Variants in CHTF8 observed in about 807,000 individuals in gnomAD.
The protein encoded by CHTF8 is chromosome transmission fidelity factor 8.
CHTF8 carries 6 observed loss-of-function variants against 11.0 expected under a neutral mutation model. That is an observed-to-expected ratio of 0.55 (90% confidence interval 0.30 to 1.08). CHTF8 has a LOEUF of 1.08. Ranked by LOEUF, CHTF8 falls within the 50% of genes least tolerant of loss-of-function variation. The pLI is 0.07. For synonymous variants in CHTF8, 53 were observed against 60.5 expected, an observed-to-expected ratio of 0.88 and a Z score of 0.57; for missense variants, 140 against 153.1, an observed-to-expected ratio of 0.91 and a Z score of 0.45.
Position 69,119,995 on chromosome 16 carries a change from G to C in CHTF8, c.*430C>G, listed in dbSNP as rs953378157. ...TGGTCCTGGGAGACCCCCTAACCTG[G>C]GGTTAGACAGAGGCCCTGGGCCTGG... On this transcript the variant is annotated 3_prime_UTR_variant, in exon 4 of 4. Coordinates refer to ENST00000448552, the MANE Select transcript of CHTF8 (RefSeq NM_001039690.5). 8 of 695,204 alleles carry C rather than the reference G, an allele frequency of 1.2e-5. No homozygotes were observed. The Admixed American group carries it at 1.4e-4, about 12-fold the overall frequency. The allele number at this position is 695,204 out of a possible 1,614,324, so 43.1% of individuals were successfully genotyped here.
rs765022668 is a variant in CHTF8 at position 69,119,087 on chromosome 16, G to A, written c.*1338C>T. The A allele has an allele frequency of 4.3e-6, 3 of 703,068 alleles. No homozygotes were observed. Among genetic ancestry groups the A allele is most frequent in the South Asian group, 3.0e-5 (2 of 67,572 alleles). 43.6% of individuals were successfully genotyped at this position (703,068 alleles called of 1,614,324 possible). On this transcript the variant is annotated 3_prime_UTR_variant, in exon 4 of 4. Transcript: ENST00000448552. ...GGGCCAGCTGGAGAAGGGCCCAGAT[G>A]CCCGGCAGCTGGCCTGGGGAAAGTA...
chr16:69,123,204 G>A (rs766203220), intron 1 of CHTF8, among the ~76,000 whole-genome samples: 4 of 152,152 alleles, frequency 2.6e-5, no homozygotes, highest in East Asian at 1.9e-4. Flanking sequence ...TTACAGATGT[G>A]AGGCACTGTG....
chr16:69,118,126 C>A lies in CHTF8; in HGVS notation c.*2299G>T. The A allele has an allele frequency of 2.5e-6, 1 of 406,594 alleles. No homozygotes were observed. The highest frequency in any genetic ancestry group is 4.4e-6 in the Non-Finnish European group (1 of 225,568). The allele number at this position is 406,594 out of a possible 1,614,324, so 25.2% of individuals were successfully genotyped here. ...ACAGTGATTTCTTCCCTTCATCCCC[C>A]ACCCCCACCCTAATTCCCATATTCC... On this transcript the variant is annotated 3_prime_UTR_variant, in exon 4 of 4. Coordinates refer to ENST00000448552, the MANE Select transcript of CHTF8 (RefSeq NM_001039690.5).
Position 69,119,175 on chromosome 16 carries a change from G to A in CHTF8, c.*1250C>T. The A allele has an allele frequency of 1.4e-6, 1 of 703,042 alleles. No individual in the cohort carries two copies. Among genetic ancestry groups the A allele is most frequent in the East Asian group, 2.7e-5 (1 of 37,284 alleles). 43.6% of individuals were successfully genotyped at this position (703,042 alleles called of 1,614,324 possible). A position where few individuals can be genotyped will look rare whatever the true frequency, so the allele number is the denominator to read the frequency against. On this transcript the variant is annotated 3_prime_UTR_variant, in exon 4 of 4. Coordinates refer to ENST00000448552, the MANE Select transcript of CHTF8 (RefSeq NM_001039690.5). ...AGGTAGTTGGACTTGGACCCTGCAG[G>A]CCAGTGGCCCTTGGGAAGTTAGCTG...
In CHTF8 at chr16:69,118,169, A is replaced by AAT; in HGVS notation, c.*2255_*2256insAT. The AAT allele has an allele frequency of 3.4e-6, 2 of 581,064 alleles. No homozygotes were observed. The highest frequency in any genetic ancestry group is 6.1e-6 in the Non-Finnish European group (2 of 326,112). 36.0% of individuals were successfully genotyped at this position (581,064 alleles called of 1,614,324 possible). On this transcript the variant is annotated 3_prime_UTR_variant, in exon 4 of 4. Coordinates refer to ENST00000448552, the MANE Select transcript of CHTF8 (RefSeq NM_001039690.5). ...CATATTCCCATCCACATCAGTTTAA[A>AAT]TTTTGAGGTTCTTTGATTGATTGGG...
At position 69,127,094 on chromosome 16, in the gene CHTF8, C is replaced by T. The variant is rs558084411; in HGVS notation, c.-36+5390G>A. Among the ~76,000 whole-genome samples the T allele has an allele frequency of 2.3e-4, 35 of 152,100 alleles. No individual in the cohort carries two copies. In the Middle Eastern group the frequency reaches 0.017, roughly 74 times the overall value. On this transcript the variant is annotated intron_variant, in intron 1 of 3. Coordinates refer to ENST00000448552, the MANE Select transcript of CHTF8 (RefSeq NM_001039690.5). ...CTCTACCAAAAATACAAAAATTAGC[C>T]GCGCGTGGTGGCGGGTGCCTGTAAT...
chr16:69,127,307 G>A (rs1962140272), intron 1 of CHTF8, among the ~76,000 whole-genome samples: 1 of 150,526 alleles, frequency 6.6e-6, no homozygotes. Context: ...AGTAGACAGA[G>A]TGAGTAGAAA....
chr16:69,131,008 GATT>G (rs2152273741), intron 1 of CHTF8, among the ~76,000 whole-genome samples: 1 of 152,248 alleles, frequency 6.6e-6, no homozygotes, highest in South Asian at 2.1e-4. Context: ...ACCGAATACA[GATT>G]ATTTTTATTT....
At chr16:69,121,548 A>C (rs1258388896) in intron 1 of CHTF8, 55 bp from the exon 2 acceptor site, 3 of 1,029,330 alleles carry the variant, frequency 2.9e-6, no homozygotes, top group Non-Finnish European at 4.4e-6. Flanking sequence ...TAATAATGAC[A>C]CCTAATGCAA....
intron 1 of CHTF8, among the ~76,000 whole-genome samples, chr16:69,123,705 T>C (rs1961848363): frequency 6.6e-6 from 1 of 152,164 alleles, no homozygotes; most frequent in African/African-American, 2.4e-5. Flanking sequence ...CCAACATCTT[T>C]AGTGAATGGT....
intron 1 of CHTF8, among the ~76,000 whole-genome samples, chr16:69,127,655 G>C (rs1354221428): frequency 6.8e-6 from 1 of 146,960 alleles, no homozygotes; most frequent in East Asian, 2.0e-4. Flanking sequence ...TGTTGCCCAG[G>C]CTGGAGTGCA....
chr16:69,125,386 CACTT>C (rs1961983717), intron 1 of CHTF8, among the ~76,000 whole-genome samples: 1 of 152,176 alleles, frequency 6.6e-6, no homozygotes, highest in African/African-American at 2.4e-5. Context: ...CAGATGAAGT[CACTT>C]GCTTGTATGT....
At chr16:69,129,032 C>T (rs1339286959) in intron 1 of CHTF8, among the ~76,000 whole-genome samples, 2 of 152,004 alleles carry the variant, frequency 1.3e-5, no homozygotes, top group East Asian at 3.9e-4. Context: ...CCACTGCACT[C>T]TAGCCTGGGT....
intron 1 of CHTF8, among the ~76,000 whole-genome samples, chr16:69,125,545 G>C (rs1293351380): frequency 6.6e-6 from 1 of 152,176 alleles, no homozygotes; most frequent in Non-Finnish European, 1.5e-5. Context: ...GGCAGGCATG[G>C]AGTATATGCA....
intron 1 of CHTF8, among the ~76,000 whole-genome samples, chr16:69,126,615 T>C (rs1567592794): frequency 1.3e-5 from 2 of 152,206 alleles, no homozygotes; most frequent in South Asian, 2.1e-4. Flanking sequence ...CAGATGTATG[T>C]AGAAATGAAG....
chr16:69,127,846 G>A (rs1052527200), intron 1 of CHTF8, among the ~76,000 whole-genome samples: 1 of 152,026 alleles, frequency 6.6e-6, no homozygotes, highest in African/African-American at 2.4e-5. Context: ...CTGACCTCAA[G>A]TGATCTGCCC....
rs150107974 is a variant in CHTF8, at chr16:69,120,198, G to A, written c.*227C>T. On this transcript the variant is annotated 3_prime_UTR_variant, in exon 4 of 4. Coordinates refer to ENST00000448552, the MANE Select transcript of CHTF8 (RefSeq NM_001039690.5). The surrounding 1 kb of genome is among the most constrained non-coding windows in gnomAD (Gnocchi z 4.0). ...AAGGTGCTGGATTTGAAGCCAATGA[G>A]CCTGATGAAGCTGGAAAAGGAGATG... The A allele has an allele frequency of 5.7e-3, 4,007 of 702,322 alleles. 109 individuals carry two copies. The African/African-American group carries it at 0.061, about 11-fold the overall frequency. The allele number at this position is 702,322 out of a possible 1,614,324, so 43.5% of individuals were successfully genotyped here.
chr16:69,127,097 G>A (rs1448783636), intron 1 of CHTF8, among the ~76,000 whole-genome samples: 7 of 152,080 alleles, frequency 4.6e-5, no homozygotes, highest in African/African-American at 9.7e-5. Flanking sequence ...AATTAGCCGC[G>A]CGTGGTGGCG....
chr16:69,126,628 C>A (rs1267699239), intron 1 of CHTF8, among the ~76,000 whole-genome samples: 1 of 152,172 alleles, frequency 6.6e-6, no homozygotes, highest in Non-Finnish European at 1.5e-5. Context: ...AAATGAAGTT[C>A]GAGCCCAGCT....
Sources: allele counts gnomAD v4.1 joint callset (sites outside exome capture counted in the v4.1 genomes callset), GRCh38; gene constraint gnomAD v4.1.1; non-coding constraint Gnocchi (gnomAD v3.1); transcripts MANE v1.5; gene names NCBI Gene and HGNC (gene_info 2026-07-23, HGNC 2026-07-21).